Variants in STXBP6 observed in about 807,000 individuals in gnomAD.
STXBP6 encodes the protein syntaxin binding protein 6, also known as syntaxin-binding protein 6.
A neutral mutation model predicts 26.9 loss-of-function variants in STXBP6; 21 were observed. The observed-to-expected ratio is 0.78, with a 90% CI of 0.55 to 1.12. The LOEUF (loss-of-function observed/expected upper bound fraction) is 1.12. STXBP6 is among the 50% of genes most tolerant of loss of function. The pLI, the probability that STXBP6 is intolerant of heterozygous loss-of-function variation, is 0.00. For missense variants in STXBP6, 232 were observed against 257.9 expected (o/e 0.90, Z 0.69); for synonymous variants, 97 against 92.6 (o/e 1.05, Z -0.27).
chr14:24,965,583 T>C (rs557451656), intron 2 of STXBP6, among the ~76,000 whole-genome samples: 7 of 152,218 alleles, frequency 4.6e-5, no homozygotes, highest in African/African-American at 1.2e-4. Flanking sequence ...TATCATGCAT[T>C]ACACACACAT....
intron 1 of STXBP6, among the ~76,000 whole-genome samples, chr14:24,977,730 A>C (rs1382373347): frequency 6.6e-6 from 1 of 152,230 alleles, no homozygotes; most frequent in Non-Finnish European, 1.5e-5. Flanking sequence ...TGAAAAGATA[A>C]AAATCCCTCT....
chr14:24,952,522 T>G (rs1003213031), intron 2 of STXBP6, among the ~76,000 whole-genome samples: 1 of 152,178 alleles, frequency 6.6e-6, no homozygotes, highest in Non-Finnish European at 1.5e-5. Context: ...TAGATAAAAC[T>G]AAATTTTTGA....
At chr14:24,821,513 T>A (rs540645737) in intron 4 of STXBP6, among the ~76,000 whole-genome samples, 3 of 152,322 alleles carry the variant, frequency 2.0e-5, no homozygotes, top group Admixed American at 1.3e-4. Context: ...AAAGATGACA[T>A]TGCTGACTAC....
chr14:25,047,141 A>T (rs1376746743), intron 1 of STXBP6, among the ~76,000 whole-genome samples: 1 of 152,110 alleles, frequency 6.6e-6, no homozygotes, highest in Non-Finnish European at 1.5e-5. Context: ...ACTGTACGTA[A>T]CCTCCTTTCC....
intron 2 of STXBP6, among the ~76,000 whole-genome samples, chr14:24,933,845 A>G (rs1193440460): frequency 6.6e-6 from 1 of 152,196 alleles, no homozygotes; most frequent in Non-Finnish European, 1.5e-5. Context: ...AGAAACCTAA[A>G]ATATACAAAG....
chr14:24,897,193 G>C (rs1244633159), intron 2 of STXBP6, among the ~76,000 whole-genome samples: 1 of 151,858 alleles, frequency 6.6e-6, no homozygotes, highest in Non-Finnish European at 1.5e-5. Context: ...GGCAGATCAC[G>C]AGGTCAGGAG....
intron 1 of STXBP6, among the ~76,000 whole-genome samples, chr14:24,987,349 C>A (rs1373490002): frequency 2.6e-5 from 4 of 152,178 alleles, no homozygotes; most frequent in South Asian, 2.1e-4. Context: ...TGGGCAAAAT[C>A]CTACATCTTT....
At chr14:24,937,444 G>A (rs1189885886) in intron 2 of STXBP6, among the ~76,000 whole-genome samples, 1 of 152,012 alleles carries the variant, frequency 6.6e-6, no homozygotes, top group Non-Finnish European at 1.5e-5. Context: ...CTTTTTGAAG[G>A]CAGTTTACAG....
chr14:25,014,292 C>G (rs1566562699), intron 1 of STXBP6, among the ~76,000 whole-genome samples: 1 of 152,026 alleles, frequency 6.6e-6, no homozygotes, highest in Non-Finnish European at 1.5e-5. Context: ...GCCAGGAGTT[C>G]AAAACCAGCC....
chr14:24,921,642 T>A (rs1244784690), intron 2 of STXBP6, among the ~76,000 whole-genome samples: 1 of 152,120 alleles, frequency 6.6e-6, no homozygotes, highest in Non-Finnish European at 1.5e-5. Flanking sequence ...CTAAAAGGCT[T>A]GTTGCTGTTA....
chr14:24,876,196 G>A (rs1233693870), intron 2 of STXBP6, among the ~76,000 whole-genome samples: 1 of 152,124 alleles, frequency 6.6e-6, no homozygotes, highest in East Asian at 1.9e-4. Flanking sequence ...AACCGGGAAG[G>A]CCTGCCTTAC....
At chr14:24,954,596 C>G (rs1020293944) in intron 2 of STXBP6, among the ~76,000 whole-genome samples, 1 of 152,128 alleles carries the variant, frequency 6.6e-6, no homozygotes, top group Non-Finnish European at 1.5e-5. Context: ...GCCTTTAGTG[C>G]GACCACAGAT....
intron 2 of STXBP6, among the ~76,000 whole-genome samples, chr14:24,861,027 C>A (rs1026388570): frequency 2.0e-5 from 3 of 151,912 alleles, no homozygotes; most frequent in African/African-American, 7.3e-5. Context: ...CTTTATGTGG[C>A]CATTTCTCAA....
intron 1 of STXBP6, among the ~76,000 whole-genome samples, chr14:25,005,318 A>T (rs1324445490): frequency 6.6e-6 from 1 of 152,234 alleles, no homozygotes; most frequent in African/African-American, 2.4e-5. Flanking sequence ...ATGAGCAGAC[A>T]AACCATATTC....
chr14:24,978,819 T>C (rs966671734), intron 1 of STXBP6, among the ~76,000 whole-genome samples: 1 of 152,186 alleles, frequency 6.6e-6, no homozygotes, highest in African/African-American at 2.4e-5. Context: ...CCCAAGTAAC[T>C]AGGAAATAAG....
intron 5 of STXBP6, chr14:24,815,719 A>G (rs529004707): frequency 1.3e-5 from 2 of 152,230 alleles, no homozygotes; most frequent in Non-Finnish European, 1.5e-5. Context: ...CTACTGACTC[A>G]CTGACTATGG....
chr14:24,827,669 T>C (rs1036427180), intron 4 of STXBP6, among the ~76,000 whole-genome samples: 2 of 152,204 alleles, frequency 1.3e-5, no homozygotes, highest in African/African-American at 2.4e-5. Context: ...TCAGTCTTAC[T>C]GGACAAAGAT....
At chr14:24,919,606 G>A (rs895540358) in intron 2 of STXBP6, among the ~76,000 whole-genome samples, 1 of 151,448 alleles carries the variant, frequency 6.6e-6, no homozygotes, top group Non-Finnish European at 1.5e-5. Context: ...TGGTATCTAA[G>A]AGGAGTTATT....
At chr14:24,892,039 T>C (rs2070806281) in intron 2 of STXBP6, among the ~76,000 whole-genome samples, 1 of 152,220 alleles carries the variant, frequency 6.6e-6, no homozygotes, top group South Asian at 2.1e-4. Flanking sequence ...TTTTCTTTCC[T>C]GGTAAGTATC....
Sources: gnomAD v4.1 joint callset for allele counts (sites outside exome capture counted in the v4.1 genomes callset) on GRCh38, gnomAD v4.1.1 for gene constraint, MANE v1.5 for transcripts, NCBI Gene and HGNC (gene_info 2026-07-23, HGNC 2026-07-21) for gene names.